UACA: variants seen among roughly 807,000 people sequenced by gnomAD.
UACA encodes nuclear membrane binding protein.
UACA carries 112 observed loss-of-function variants against 160.5 expected under a neutral mutation model. The ratio of observed to expected loss-of-function variants is 0.70; its 90% CI spans 0.60 to 0.82. The LOEUF (loss-of-function observed/expected upper bound fraction) is 0.82, where lower values mean the gene tolerates loss of function less well. Ranked by LOEUF, UACA falls within the 40% of genes least tolerant of loss-of-function variation. The pLI is 0.00. For missense variants in UACA, 1,574 were observed against 1,614.6 expected (o/e 0.97, Z 0.43); for synonymous variants, 557 against 568.4 (o/e 0.98, Z 0.29).
chr15:70,659,405 T>G (rs1369880585), intron 18 of UACA, among the ~76,000 whole-genome samples: 18 of 122,836 alleles, frequency 1.5e-4, no homozygotes, highest in African/African-American at 5.5e-4. Flanking sequence ...GTTTTTTTTT[T>G]TTTTTTTTTT....
chr15:70,776,997 T>A, the UACA span, among the ~76,000 whole-genome samples: 2 of 152,146 alleles, frequency 1.3e-5, no homozygotes, highest in African/African-American at 4.8e-5. Context: ...TCATAAGGGC[T>A]CAGGCCTTTT....
At chr15:70,728,563 CAAAAAAAAAAAGA>C (rs1445749146) in intron 1 of UACA, among the ~76,000 whole-genome samples, 4 of 87,740 alleles carry the variant, frequency 4.6e-5, no homozygotes, top group African/African-American at 1.6e-4. Context: ...AACCCCATCT[CAAAAAAAAAAAGA>C]AAAAAAAAAA....
chr15:70,710,870 G>A (rs193044626), intron 1 of UACA, among the ~76,000 whole-genome samples: 4 of 152,284 alleles, frequency 2.6e-5, no homozygotes, highest in East Asian at 1.9e-4. Context: ...GGGCTTTCAC[G>A]GAGGCTACAT....
At chr15:70,736,271 T>C (rs773269250) in intron 1 of UACA, among the ~76,000 whole-genome samples, 1 of 152,200 alleles carries the variant, frequency 6.6e-6, no homozygotes, top group Non-Finnish European at 1.5e-5. Flanking sequence ...TAATTTGAAT[T>C]TGGCACGAGT....
intron 7 of UACA, among the ~76,000 whole-genome samples, chr15:70,685,269 C>G (rs1448379968): frequency 6.6e-6 from 1 of 152,158 alleles, no homozygotes; most frequent in African/African-American, 2.4e-5. Flanking sequence ...TCATGAAAAT[C>G]TAGAAGGACC....
chr15:70,697,325 G>C (rs1417929348), intron 2 of UACA, among the ~76,000 whole-genome samples: 1 of 152,208 alleles, frequency 6.6e-6, no homozygotes, highest in African/African-American at 2.4e-5. Flanking sequence ...CAGAGAAACA[G>C]GAGACTGAAC....
chr15:70,676,448 CAT>C (rs1478618823), intron 13 of UACA, 43 bp downstream of exon 13: 5 of 1,290,206 alleles, frequency 3.9e-6, no homozygotes, highest in African/African-American at 1.5e-5. Context: ...AGAGCCTTAC[CAT>C]TACCCATTAT....
chr15:70,664,984 T>TATAAATTACA, intron 16 of UACA, 170 bp from the exon 17 acceptor site: 1 of 475,862 alleles, frequency 2.1e-6, no homozygotes, highest in East Asian at 3.5e-5. Flanking sequence ...AATATGTAAT[T>TATAAATTACA]TATAATTAAA....
At chr15:70,703,014 C>T in intron 1 of UACA, 1 of 984,412 alleles carries the variant, frequency 1.0e-6, no homozygotes, top group Non-Finnish European at 1.3e-6. Context: ...TGGTTAAACA[C>T]TAAAGGAGGC....
intron 7 of UACA, among the ~76,000 whole-genome samples, chr15:70,684,716 C>CAAGTAGTGTTG: frequency 6.7e-6 from 1 of 149,242 alleles, no homozygotes; most frequent in Non-Finnish European, 1.5e-5. Flanking sequence ...AGTAAGTGTT[C>CAAGTAGTGTTG]AACACTACTT....
At chr15:70,725,903 G>A (rs1431511293) in intron 1 of UACA, among the ~76,000 whole-genome samples, 1 of 152,122 alleles carries the variant, frequency 6.6e-6, no homozygotes. Context: ...ACACTGAGGT[G>A]ATGGATGCCC....
At chr15:70,760,535 G>A (rs933636417) in intron 1 of UACA, among the ~76,000 whole-genome samples, 4 of 152,042 alleles carry the variant, frequency 2.6e-5, no homozygotes, top group Admixed American at 1.3e-4. Flanking sequence ...CAGGCCAGGC[G>A]CAGTGGCTCA....
rs1896934253 is a variant in UACA, at chr15:70,666,993, C to G, written c.3691G>C (p.Ala1231Pro). ...REVVDLSKYK[A>P]TKSDLETQIS... Reference sequence around the variant, plus strand: ...TGTGTCTCCAAATCACTTTTTGTTGCTTTATATTTAGACAAGTCAACTACC... The same window carrying G: ...TGTGTCTCCAAATCACTTTTTGTTGGTTTATATTTAGACAAGTCAACTACC... Residue 1231 changes from alanine (A) to proline (P), a missense_variant, in exon 16 of 19, where the codon GCA (alanine) becomes CCA (proline). Coordinates refer to ENST00000322954, the MANE Select transcript of UACA (RefSeq NM_018003.4). 1 of 1,612,490 alleles carries G rather than the reference C, an allele frequency of 6.2e-7. No homozygotes were observed. The highest frequency in any genetic ancestry group is 1.3e-5 in the African/African-American group (1 of 74,762).
chr15:70,739,623 T>C (rs570742912), intron 1 of UACA, among the ~76,000 whole-genome samples: 11 of 152,320 alleles, frequency 7.2e-5, no homozygotes, highest in African/African-American at 1.9e-4. Context: ...AGCTGACATA[T>C]TAAAAATTCA....
At chr15:70,777,348 T>C in the UACA span, among the ~76,000 whole-genome samples, 1 of 152,078 alleles carries the variant, frequency 6.6e-6, no homozygotes, top group African/African-American at 2.4e-5. Context: ...GAAATGATTC[T>C]GGAGGCCAGG....
At chr15:70,687,473 G>A in intron 7 of UACA, 67 bp downstream of exon 7, 3 of 1,451,488 alleles carry the variant, frequency 2.1e-6, no homozygotes, top group Non-Finnish European at 2.9e-6. Context: ...CAGAGCTGCT[G>A]CTTTGACTTG....
chr15:70,701,666 C>A (rs1398160635), intron 1 of UACA, among the ~76,000 whole-genome samples: 1 of 152,140 alleles, frequency 6.6e-6, no homozygotes, highest in Non-Finnish European at 1.5e-5. Context: ...TAACACTGTA[C>A]AATTATTAAG....
At chr15:70,719,922 C>G (rs1339971213) in intron 1 of UACA, among the ~76,000 whole-genome samples, 1 of 152,136 alleles carries the variant, frequency 6.6e-6, no homozygotes, top group Non-Finnish European at 1.5e-5. Flanking sequence ...TTTCTTCCCC[C>G]TTATTTATTT....
intron 1 of UACA, among the ~76,000 whole-genome samples, chr15:70,739,073 C>T (rs940947828): frequency 4.6e-5 from 7 of 152,174 alleles, no homozygotes; most frequent in African/African-American, 1.7e-4. Context: ...GAAACAAAGT[C>T]ACATTGCAAA....
Sources: allele counts gnomAD v4.1 joint callset (sites outside exome capture counted in the v4.1 genomes callset), GRCh38; gene constraint gnomAD v4.1.1; transcripts MANE v1.5; gene names NCBI Gene and HGNC (gene_info 2026-07-23, HGNC 2026-07-21).